DMD: variants seen among roughly 807,000 people sequenced by gnomAD.
DMD encodes the protein dystrophin.
Under a neutral mutation model 330.1 loss-of-function variants are expected in DMD, and 63 were observed. The observed-to-expected ratio is 0.19, with a 90% CI of 0.16 to 0.24. The LOEUF is 0.24. Among genes scored for constraint, DMD ranks in the 10% least tolerant of loss-of-function variants. The probability of loss-of-function intolerance (pLI) is 1.00; values close to 1 mark genes in which losing one functional copy is unlikely to be tolerated. For missense variants in DMD, 3,344 were observed against 2,684.1 expected (o/e 1.25, Z -5.43); for synonymous variants, 1,223 against 959.8 (o/e 1.27, Z -5.07).
chrX:31,266,389 G>T (rs1332374668), intron 62 of DMD, among the ~76,000 whole-genome samples: 4 of 111,805 alleles, frequency 3.6e-5, no homozygotes, highest in African/African-American at 1.3e-4. Context: ...GGAAGGTAGC[G>T]CCGCGTGCGC....
chrX:31,486,765 G>A (rs762615214), intron 57 of DMD, among the ~76,000 whole-genome samples: 10 of 111,966 alleles, frequency 8.9e-5, no homozygotes, highest in Non-Finnish European at 1.5e-4. Context: ...GCCATCCTAC[G>A]TCATCATTCT....
intron 62 of DMD, among the ~76,000 whole-genome samples, chrX:31,262,402 T>G (rs1364467216): frequency 8.9e-6 from 1 of 112,031 alleles, no homozygotes; most frequent in African/African-American, 3.3e-5. Context: ...AAACAACCGT[T>G]TAAGTTGGTT....
chrX:31,317,807 G>A (rs953876450), intron 62 of DMD, among the ~76,000 whole-genome samples: 5 of 111,285 alleles, frequency 4.5e-5, no homozygotes, highest in African/African-American at 1.3e-4. Flanking sequence ...CACCGCACCC[G>A]GCCTGAGGAA....
At chrX:32,706,496 G>A (rs1225732501) in intron 7 of DMD, among the ~76,000 whole-genome samples, 2 of 109,992 alleles carry the variant, frequency 1.8e-5, no homozygotes, top group African/African-American at 6.6e-5. Context: ...CCAGGGAGGA[G>A]GAGGTTGCAG....
chrX:33,103,065 C>T (rs922378756), intron 1 of DMD, among the ~76,000 whole-genome samples: 1 of 111,439 alleles, frequency 9.0e-6, no homozygotes, highest in Non-Finnish European at 1.9e-5. Flanking sequence ...GGAATGGACA[C>T]AGGAATGAGC....
chrX:33,335,194 C>T lies in DMD; in HGVS notation c.7+4065G>A. Among the ~76,000 whole-genome samples the T allele has an allele frequency of 1.8e-5, 2 of 110,015 alleles. 1 individual carries two copies. On this transcript the variant is annotated intron_variant, in intron 1 of 17. Coordinates refer to the DMD transcript ENST00000288447. ...GAACATACCCCCAAATGTTAAGGTT[C>T]CTCTTAGATCATGGTGTCCTTCTAA... is the stretch of plus-strand genomic sequence containing the variant.
At chrX:31,451,053 A>G (rs1319517430) in intron 59 of DMD, among the ~76,000 whole-genome samples, 1 of 109,995 alleles carries the variant, frequency 9.1e-6, no homozygotes. Flanking sequence ...CTGCTTTCCC[A>G]ATAGCCTTTA....
chrX:33,288,594 C>A (rs1052278074), intron 1 of DMD, among the ~76,000 whole-genome samples: 2 of 110,730 alleles, frequency 1.8e-5, no homozygotes, highest in East Asian at 2.9e-4. Flanking sequence ...TTAAAACACT[C>A]TAGATTCACA....
At chrX:32,611,251 CA>C (rs918555706) in intron 12 of DMD, among the ~76,000 whole-genome samples, 1 of 109,204 alleles carries the variant, frequency 9.2e-6, no homozygotes, top group Non-Finnish European at 1.9e-5. Context: ...TCAAATCTGT[CA>C]AAAAAAAGAG....
intron 44 of DMD, among the ~76,000 whole-genome samples, chrX:32,084,102 T>C (rs1412526502): frequency 2.7e-5 from 3 of 112,329 alleles, no homozygotes; most frequent in Non-Finnish European, 5.6e-5. Flanking sequence ...AAATGAACTT[T>C]AAATGTTTCT....
At chrX:31,160,359 A>C (rs1414843947) in intron 74 of DMD, among the ~76,000 whole-genome samples, 1 of 111,242 alleles carries the variant, frequency 9.0e-6, no homozygotes, top group Non-Finnish European at 1.9e-5. Flanking sequence ...TCACCACTAG[A>C]GCATATGAAA....
chrX:32,574,826 AACCC>A (rs2052842636), intron 13 of DMD, among the ~76,000 whole-genome samples: 1 of 111,452 alleles, frequency 9.0e-6, no homozygotes, highest in Admixed American at 9.6e-5. Flanking sequence ...TATGTGTATT[AACCC>A]ACCTAGAGGA....
chrX:32,763,070 G>A (rs1233648513), intron 7 of DMD, among the ~76,000 whole-genome samples: 1 of 111,337 alleles, frequency 9.0e-6, no homozygotes, highest in African/African-American at 3.3e-5. Context: ...TATATGATAT[G>A]TCAGGAGTGC....
rs140800580 is a variant in DMD at position 33,060,259 on chromosome X, G to A, written c.32-40059C>T. Among the ~76,000 whole-genome samples the A allele has an allele frequency of 9.0e-3, 1,003 of 111,059 alleles. 14 individuals are homozygous for A. Among genetic ancestry groups the A allele is most frequent in the African/African-American group, 0.031 (954 of 30,535 alleles). On this transcript the variant is annotated intron_variant, in intron 1 of 78. Transcript: ENST00000357033. ...AAGAGGAAGCATCATGGGTAAGGGAGACTCCTGCTGAAAATAGTCCAGTCA... is the reference window on the plus strand; with the variant it reads ...AAGAGGAAGCATCATGGGTAAGGGAAACTCCTGCTGAAAATAGTCCAGTCA...
intron 48 of DMD, among the ~76,000 whole-genome samples, chrX:31,844,025 A>T (rs1301570241): frequency 9.0e-6 from 1 of 110,663 alleles, no homozygotes; most frequent in African/African-American, 3.3e-5. Context: ...TGCCCAGCTA[A>T]TTTTTTTGTA....
intron 1 of DMD, among the ~76,000 whole-genome samples, chrX:33,058,770 T>C (rs2094548074): frequency 8.9e-6 from 1 of 111,925 alleles, no homozygotes; most frequent in Non-Finnish European, 1.9e-5. Flanking sequence ...TATTGTCTTA[T>C]TATATTTTAA....
intron 62 of DMD, among the ~76,000 whole-genome samples, chrX:31,309,423 C>A (rs892292305): frequency 8.9e-6 from 1 of 112,023 alleles, no homozygotes; most frequent in African/African-American, 3.2e-5. Flanking sequence ...TGACCCTGGC[C>A]TTTTCTTAGA....
At chrX:31,284,581 C>CTTCTTCTTCTTCTT (rs2052960353) in intron 62 of DMD, among the ~76,000 whole-genome samples, 1 of 95,069 alleles carries the variant, frequency 1.1e-5, no homozygotes, top group African/African-American at 4.2e-5. Flanking sequence ...TCTTCTTCTT[C>CTTCTTCTTCTTCTT]TTCTTCTTCT....
At chrX:31,210,324 C>T (rs750755981) in intron 64 of DMD, among the ~76,000 whole-genome samples, 2 of 111,931 alleles carry the variant, frequency 1.8e-5, no homozygotes, top group East Asian at 5.6e-4. Flanking sequence ...ACCTGAGGCT[C>T]GCTTATTTCT....
Sources: allele counts gnomAD v4.1 joint callset (sites outside exome capture counted in the v4.1 genomes callset), GRCh38; gene constraint gnomAD v4.1.1; transcripts MANE v1.5; gene names NCBI Gene and HGNC (gene_info 2026-07-23, HGNC 2026-07-21).